Variants in REDIC1 observed in about 807,000 individuals in gnomAD.
REDIC1 encodes HEI10 Interacting Protein 1.
the REDIC1 span, among the ~76,000 whole-genome samples, chr12:39,689,970 G>T: frequency 1.3e-5 from 2 of 152,204 alleles, no homozygotes; most frequent in Non-Finnish European, 2.9e-5. Context: ...GGAATCAGGT[G>T]CTATGAGGAG....
At chr12:39,902,879 T>G in the REDIC1 span, among the ~76,000 whole-genome samples, 4 of 152,234 alleles carry the variant, frequency 2.6e-5, no homozygotes, top group African/African-American at 9.6e-5. Context: ...TAAATTCTCT[T>G]AAGAAGTCAT....
chr12:39,718,314 C>G, the REDIC1 span, among the ~76,000 whole-genome samples: 1 of 151,976 alleles, frequency 6.6e-6, no homozygotes, highest in Non-Finnish European at 1.5e-5. Context: ...TATTTTGATG[C>G]CTTCGGTGTT....
the REDIC1 span, among the ~76,000 whole-genome samples, chr12:39,810,097 G>A: frequency 6.6e-6 from 1 of 152,146 alleles, no homozygotes; most frequent in Non-Finnish European, 1.5e-5. Context: ...CTTCCACAAT[G>A]GTTGGACTAG....
chr12:39,665,609 GAAAGTC>G, the REDIC1 span, among the ~76,000 whole-genome samples: 1 of 150,322 alleles, frequency 6.7e-6, no homozygotes, highest in African/African-American at 2.4e-5. Flanking sequence ...ATTCTGTGAA[GAAAGTC>G]ATTGGTAGCT....
the REDIC1 span, among the ~76,000 whole-genome samples, chr12:39,713,113 ATG>A: frequency 2.0e-5 from 3 of 149,672 alleles, no homozygotes; most frequent in East Asian, 2.0e-4. Flanking sequence ...ATACGTATAT[ATG>A]TAGATATGTG....
chr12:39,646,930 G>A, the REDIC1 span: 1 of 1,289,508 alleles, frequency 7.8e-7, no homozygotes, highest in South Asian at 1.3e-5. Flanking sequence ...TTCAGCAATT[G>A]TGATATGCTA....
the REDIC1 span, among the ~76,000 whole-genome samples, chr12:39,627,473 T>A: frequency 6.6e-6 from 1 of 152,238 alleles, no homozygotes; most frequent in South Asian, 2.1e-4. Flanking sequence ...ATGTTGCTAT[T>A]ATTCTGTCAT....
the REDIC1 span, among the ~76,000 whole-genome samples, chr12:39,882,310 C>CA: frequency 6.6e-6 from 1 of 152,138 alleles, no homozygotes; most frequent in Non-Finnish European, 1.5e-5. Context: ...TTTGCCTTTC[C>CA]AACAAATTTT....
chr12:39,814,225 T>C, the REDIC1 span, among the ~76,000 whole-genome samples: 1 of 152,174 alleles, frequency 6.6e-6, no homozygotes, highest in African/African-American at 2.4e-5. Flanking sequence ...ATGTCATTGC[T>C]TTACCTCCCC....
the REDIC1 span, among the ~76,000 whole-genome samples, chr12:39,782,336 CATGGGG>C: frequency 2.0e-5 from 3 of 152,062 alleles, no homozygotes; most frequent in South Asian, 2.1e-4. Flanking sequence ...CTAATTGAAT[CATGGGG>C]GCGGCCGGTC....
the REDIC1 span, among the ~76,000 whole-genome samples, chr12:39,847,598 A>G: frequency 6.6e-6 from 1 of 152,048 alleles, no homozygotes; most frequent in Non-Finnish European, 1.5e-5. Flanking sequence ...TATGAAAGAC[A>G]TTTGTATGGG....
At chr12:39,780,788 G>A in the REDIC1 span, among the ~76,000 whole-genome samples, 1 of 152,066 alleles carries the variant, frequency 6.6e-6, no homozygotes, top group Non-Finnish European at 1.5e-5. Flanking sequence ...CGAAAACATG[G>A]AGCTACATAA....
At chr12:39,761,372 T>A in the REDIC1 span, among the ~76,000 whole-genome samples, 2 of 152,002 alleles carry the variant, frequency 1.3e-5, no homozygotes, top group Non-Finnish European at 2.9e-5. Context: ...AGAGACTTGA[T>A]CTGTGTAATG....
At chr12:39,745,816 G>A in the REDIC1 span, 1 of 152,218 alleles carries the variant, frequency 6.6e-6, no homozygotes, top group Non-Finnish European at 1.5e-5. Context: ...TGTTGTTAAT[G>A]TAAGCATGGT....
At chr12:39,712,031 T>TGTATATATACCTACCTGTAA in the REDIC1 span, among the ~76,000 whole-genome samples, 55 of 143,890 alleles carry the variant, frequency 3.8e-4, no homozygotes, top group East Asian at 9.3e-3. Flanking sequence ...TATATATACA[T>TGTATATATACCTACCTGTAA]GTATATATAC....
At chr12:39,860,342 C>T in the REDIC1 span, among the ~76,000 whole-genome samples, 1 of 152,118 alleles carries the variant, frequency 6.6e-6, no homozygotes, top group Non-Finnish European at 1.5e-5. Context: ...GAGATACTGC[C>T]CAATTGATTA....
At chr12:39,650,416 T>C in the REDIC1 span, 1 of 1,531,576 alleles carries the variant, frequency 6.5e-7, no homozygotes, top group Non-Finnish European at 8.7e-7. The surrounding 1 kb of genome is among the most constrained non-coding windows in gnomAD (Gnocchi z 4.3). Context: ...ACTTAGAAAT[T>C]TGATTTTAAT....
At chr12:39,837,596 C>A in the REDIC1 span, among the ~76,000 whole-genome samples, 3 of 147,266 alleles carry the variant, frequency 2.0e-5, no homozygotes, top group Non-Finnish European at 4.5e-5. Flanking sequence ...ACTCATCTGA[C>A]AAAGGGCTAA....
the REDIC1 span, among the ~76,000 whole-genome samples, chr12:39,700,349 GATGAA>G: frequency 3.3e-5 from 5 of 152,054 alleles, no homozygotes; most frequent in Admixed American, 6.5e-5. Context: ...AGCGATGGAA[GATGAA>G]ATGAAATGAA....
Sources: gnomAD v4.1 joint callset for allele counts (sites outside exome capture counted in the v4.1 genomes callset) on GRCh38, gnomAD v4.1.1 for gene constraint, Gnocchi (gnomAD v3.1) non-coding constraint, MANE v1.5 for transcripts, NCBI Gene and HGNC (gene_info 2026-07-23, HGNC 2026-07-21) for gene names.